KCNQ1OT1: variants seen among roughly 807,000 people sequenced by gnomAD.
KCNQ1OT1 encodes KCNQ1 opposite strand/antisense transcript 1, also known as KCNQ1 antisense RNA 2 (non-protein coding).
At chr11:2,699,833 G>A in exon 1 of KCNQ1OT1, 4 of 398,090 alleles carry the variant, frequency 1.0e-5, no homozygotes, top group Non-Finnish European at 8.9e-6. Context: ...ACGCACCGAG[G>A]AGGACCGCGC....
Position 2,613,691 on chromosome 11 carries a change from A to C in KCNQ1OT1, n.86304T>G, listed in dbSNP as rs1212740287. Reference sequence around the variant, plus strand: ...CCTCAGAAGTGGTCCCTATCTTGTTAATTTTATTTTTTGAATACATATAAC... The same window carrying C: ...CCTCAGAAGTGGTCCCTATCTTGTTCATTTTATTTTTTGAATACATATAAC... On this transcript the variant is annotated non_coding_transcript_exon_variant, in exon 1 of 1. Transcript: ENST00000597346. The surrounding 1 kb of genome is among the most constrained non-coding windows in gnomAD (Gnocchi z 4.8). 24 of 398,388 alleles carry C rather than the reference A, an allele frequency of 6.0e-5. No individual in the cohort carries two copies. Among genetic ancestry groups the C allele is most frequent in the Non-Finnish European group, 1.0e-4 (23 of 226,018 alleles). The allele number at this position is 398,388 out of a possible 1,614,324, so 24.7% of individuals were successfully genotyped here.
In KCNQ1OT1 at chr11:2,679,648, C is replaced by A. The variant is rs1433021338; in HGVS notation, n.20347G>T. The A allele has an allele frequency of 7.5e-6, 3 of 398,422 alleles. No homozygotes were observed. Among genetic ancestry groups the A allele is most frequent in the Non-Finnish European group, 1.3e-5 (3 of 226,062 alleles). The allele number at this position is 398,422 out of a possible 1,614,324, so 24.7% of individuals were successfully genotyped here. A position where few individuals can be genotyped will look rare whatever the true frequency, so the allele number is the denominator to read the frequency against. ...AGCATCAGAAAAAATACAAGTGCAT[C>A]CTCATAAGATTATTTAGGATGCATA... On this transcript the variant is annotated non_coding_transcript_exon_variant, in exon 1 of 1. Coordinates refer to ENST00000597346, the Ensembl canonical transcript of KCNQ1OT1. The surrounding 1 kb of genome is among the most constrained non-coding windows in gnomAD (Gnocchi z 4.8).
Position 2,621,159 on chromosome 11 carries a change from G to A in KCNQ1OT1, n.78836C>T, listed in dbSNP as rs1321012584. ...TACCTGGCTAATTTTTGTGTTTTTA[G>A]TAGAGACGGGGTTTCACCATGTTGG... On this transcript the variant is annotated non_coding_transcript_exon_variant, in exon 1 of 1. Transcript: ENST00000597346. The surrounding 1 kb of genome is among the most constrained non-coding windows in gnomAD (Gnocchi z 5.7). 2 of 397,162 alleles carry A rather than the reference G, an allele frequency of 5.0e-6. No individual in the cohort carries two copies. The highest frequency in any genetic ancestry group is 6.2e-4 in the Middle Eastern group (1 of 1,604). 24.6% of individuals were successfully genotyped at this position (397,162 alleles called of 1,614,324 possible). A position where few individuals can be genotyped will look rare whatever the true frequency, so the allele number is the denominator to read the frequency against.
exon 1 of KCNQ1OT1, chr11:2,656,692 A>G (rs1017299545): frequency 2.5e-6 from 1 of 398,274 alleles, no homozygotes; most frequent in African/African-American, 2.1e-5. Flanking sequence ...TTCACTCTTT[A>G]AGGTGTATTT....
At position 2,623,804 on chromosome 11, in the gene KCNQ1OT1, C is replaced by T; in HGVS notation, n.76191G>A. ...AAATACCAAGGATGTGATTGCTGAA[C>T]TGCATGGTAAGAATATGTTTAATTT... On this transcript the variant is annotated non_coding_transcript_exon_variant, in exon 1 of 1. Transcript: ENST00000597346. The surrounding 1 kb of genome is among the most constrained non-coding windows in gnomAD (Gnocchi z 5.2). 2 of 398,554 alleles carry T rather than the reference C, an allele frequency of 5.0e-6. No individual in the cohort carries two copies. The highest frequency in any genetic ancestry group is 3.6e-5 in the East Asian group (1 of 28,066). 24.7% of individuals were successfully genotyped at this position (398,554 alleles called of 1,614,324 possible). A position where few individuals can be genotyped will look rare whatever the true frequency, so the allele number is the denominator to read the frequency against.
chr11:2,611,733 T>C lies in KCNQ1OT1; in HGVS notation n.88262A>G. On this transcript the variant is annotated non_coding_transcript_exon_variant, in exon 1 of 1. Coordinates refer to ENST00000597346, the Ensembl canonical transcript of KCNQ1OT1. The surrounding 1 kb of genome is among the most constrained non-coding windows in gnomAD (Gnocchi z 5.3). ...ATATAATTATTGATATGGAAGGATT[T>C]ATATCTACCATGTTGTTATTTATTT... 2.5e-6 allele frequency: 1 copy of C among 398,552 alleles called. No homozygotes were observed. Among genetic ancestry groups the C allele is most frequent in the Non-Finnish European group, 4.4e-6 (1 of 226,034 alleles). 24.7% of individuals were successfully genotyped at this position (398,552 alleles called of 1,614,324 possible).
chr11:2,662,438 C>A lies in KCNQ1OT1; in HGVS notation n.37557G>T. 7.0e-6 allele frequency: 3 copies of A among 426,140 alleles called. No individual in the cohort carries two copies. In the South Asian group the frequency reaches 1.2e-4, roughly 18 times the overall value. 26.4% of individuals were successfully genotyped at this position (426,140 alleles called of 1,614,324 possible). On this transcript the variant is annotated non_coding_transcript_exon_variant, in exon 1 of 1. Transcript: ENST00000597346. ...TGTTTTTTAGCATTTCCCCATGGAA[C>A]CCTGGCCAAAGCCATGGGGCAGATG...
In KCNQ1OT1 at chr11:2,632,327, A is replaced by T. The variant is rs142566615; in HGVS notation, n.67668T>A. The T allele has an allele frequency of 1.1e-3, 444 of 398,506 alleles. 2 individuals are homozygous for T. The highest frequency in any genetic ancestry group is 8.2e-3 in the African/African-American group (401 of 48,740). 24.7% of individuals were successfully genotyped at this position (398,506 alleles called of 1,614,324 possible). A position where few individuals can be genotyped will look rare whatever the true frequency, so the allele number is the denominator to read the frequency against. Reference sequence around the variant, plus strand: ...TATGATCATATCTATGAACAAACATAATTTTAATTCTTCCTTTCTAAATGA... The same window carrying T: ...TATGATCATATCTATGAACAAACATTATTTTAATTCTTCCTTTCTAAATGA... On this transcript the variant is annotated non_coding_transcript_exon_variant, in exon 1 of 1. Transcript: ENST00000597346.
At chr11:2,685,114 G>A in exon 1 of KCNQ1OT1, 1 of 398,686 alleles carries the variant, frequency 2.5e-6, no homozygotes, top group Non-Finnish European at 4.4e-6. Flanking sequence ...TGGCACGGGG[G>A]GTCTGATGGT....
At chr11:2,648,558 A>T (rs570945412) in exon 1 of KCNQ1OT1, 2 of 398,414 alleles carry the variant, frequency 5.0e-6, no homozygotes, top group South Asian at 2.5e-4. Context: ...ATGTAGTTTG[A>T]TTTCCGTGTA....
chr11:2,681,767 G>A (rs2133881617), exon 1 of KCNQ1OT1: 1 of 398,510 alleles, frequency 2.5e-6, no homozygotes, highest in Admixed American at 4.4e-5. Context: ...TGGGGGCCCT[G>A]GGACCTGGGA....
chr11:2,631,174 T>C (rs965230464), exon 1 of KCNQ1OT1: 2 of 398,570 alleles, frequency 5.0e-6, no homozygotes, highest in Non-Finnish European at 8.8e-6. Context: ...CTGAATTAAC[T>C]TTCTACCCTT....
At chr11:2,634,111 A>G (rs996109377) in exon 1 of KCNQ1OT1, 1 of 379,220 alleles carries the variant, frequency 2.6e-6, no homozygotes, top group East Asian at 3.6e-5. Context: ...TGTTTTTGCT[A>G]TTTCGGTGAA....
rs1278243423 is a variant in KCNQ1OT1, at chr11:2,674,423, A to G, written n.25572T>C. On this transcript the variant is annotated non_coding_transcript_exon_variant, in exon 1 of 1. Transcript: ENST00000597346. This position sits in a 1 kb window ranked among gnomAD's most constrained non-coding sequence, Gnocchi z 5.9. ...TGTGTGTGTGCGCGCCCGCGCGCAC[A>G]CGACCACAGAGGCTGGGGGGAGGCA... is the stretch of plus-strand genomic sequence containing the variant. 5.0e-6 allele frequency: 2 copies of G among 398,398 alleles called. No homozygotes were observed. Among genetic ancestry groups the G allele is most frequent in the East Asian group, 3.6e-5 (1 of 28,042 alleles). The allele number at this position is 398,398 out of a possible 1,614,324, so 24.7% of individuals were successfully genotyped here. A position where few individuals can be genotyped will look rare whatever the true frequency, so the allele number is the denominator to read the frequency against.
chr11:2,695,044 T>C lies in KCNQ1OT1; in HGVS notation n.4951A>G. On this transcript the variant is annotated non_coding_transcript_exon_variant, in exon 1 of 1. Coordinates refer to ENST00000597346, the Ensembl canonical transcript of KCNQ1OT1. This position sits in a 1 kb window ranked among gnomAD's most constrained non-coding sequence, Gnocchi z 5.2. ...TCAGAGAGGTAAGCAGGGCAGATCT[T>C]GTAAAAACCTGATGGAATTTGAATT... is the stretch of plus-strand genomic sequence containing the variant. 2.5e-6 allele frequency: 1 copy of C among 398,612 alleles called. No homozygotes were observed. The highest frequency in any genetic ancestry group is 4.4e-6 in the Non-Finnish European group (1 of 226,074). The allele number at this position is 398,612 out of a possible 1,614,324, so 24.7% of individuals were successfully genotyped here.
exon 1 of KCNQ1OT1, chr11:2,649,099 G>A (rs1849717906): frequency 2.5e-6 from 1 of 393,670 alleles, no homozygotes; most frequent in Non-Finnish European, 4.4e-6. Context: ...GTCTATGGGT[G>A]TCTTTACAGG....
At chr11:2,644,314 C>G (rs1439075664) in exon 1 of KCNQ1OT1, 1 of 398,302 alleles carries the variant, frequency 2.5e-6, no homozygotes, top group Non-Finnish European at 4.4e-6. Flanking sequence ...TTTCAAAAGA[C>G]TTATCTTCAA....
chr11:2,623,465 T>C lies in KCNQ1OT1; in HGVS notation n.76530A>G, dbSNP rs1849208461. ...CAACCCTTGGCAACCACTGAACTTTTTACTGCCTCCATAGCATTGCCTTTT... is the reference window on the plus strand; with the variant it reads ...CAACCCTTGGCAACCACTGAACTTTCTACTGCCTCCATAGCATTGCCTTTT... On this transcript the variant is annotated non_coding_transcript_exon_variant, in exon 1 of 1. Transcript: ENST00000597346. The surrounding 1 kb of genome is among the most constrained non-coding windows in gnomAD (Gnocchi z 5.2). 2 of 398,536 alleles carry C rather than the reference T, an allele frequency of 5.0e-6. No individual in the cohort carries two copies. The highest frequency in any genetic ancestry group is 1.3e-4 in the South Asian group (1 of 7,864). 24.7% of individuals were successfully genotyped at this position (398,536 alleles called of 1,614,324 possible). A position where few individuals can be genotyped will look rare whatever the true frequency, so the allele number is the denominator to read the frequency against.
Position 2,659,938 on chromosome 11 carries a change from A to C in KCNQ1OT1, n.40057T>G. The C allele has an allele frequency of 2.5e-6, 1 of 398,472 alleles. No homozygotes were observed. Among genetic ancestry groups the C allele is most frequent in the Non-Finnish European group, 4.4e-6 (1 of 226,004 alleles). The allele number at this position is 398,472 out of a possible 1,614,324, so 24.7% of individuals were successfully genotyped here. Reference sequence around the variant, plus strand: ...AGCATTCTTTATATATTCTGAGTGCAAGTCCTTGACCTGATAGGTGATATG... The same window carrying C: ...AGCATTCTTTATATATTCTGAGTGCCAGTCCTTGACCTGATAGGTGATATG... On this transcript the variant is annotated non_coding_transcript_exon_variant, in exon 1 of 1. Transcript: ENST00000597346. This position sits in a 1 kb window ranked among gnomAD's most constrained non-coding sequence, Gnocchi z 4.3.
Sources: allele counts gnomAD v4.1 joint callset, GRCh38; gene constraint gnomAD v4.1.1; non-coding constraint Gnocchi (gnomAD v3.1); transcripts MANE v1.5; gene names NCBI Gene and HGNC (gene_info 2026-07-23, HGNC 2026-07-21).